The following LHPP variants were observed in gnomAD, a reference collection of about 807,000 sequenced individuals.
LHPP encodes the protein hLHPP.
In LHPP, 24 loss-of-function variants were observed where a neutral mutation model predicts 30.3. The observed-to-expected ratio is 0.79, with a 90% CI of 0.57 to 1.11. LHPP has a LOEUF of 1.11. Ranked by LOEUF, LHPP falls within the 50% of genes most tolerant of loss-of-function variation. The pLI, the probability that LHPP is intolerant of heterozygous loss-of-function variation, is 0.00. For synonymous variants in LHPP, 150 were observed against 157.1 expected (o/e 0.95, Z 0.34); for missense variants, 356 against 367.2 (o/e 0.97, Z 0.25).
At chr10:124,507,845 T>G (rs1589811106) in intron 5 of LHPP, among the ~76,000 whole-genome samples, 1 of 26,506 alleles carries the variant, frequency 3.8e-5, no homozygotes. Flanking sequence ...GGATTTCAGG[T>G]GGGGGGGTAG....
At chr10:124,537,532 G>A (rs1323422025) in intron 6 of LHPP, among the ~76,000 whole-genome samples, 3 of 152,254 alleles carry the variant, frequency 2.0e-5, no homozygotes, top group Non-Finnish European at 4.4e-5. Context: ...TAGGCCTGCA[G>A]CAGACACCAT....
At chr10:124,503,375 GTATT>G (rs1953969404) in intron 5 of LHPP, among the ~76,000 whole-genome samples, 2 of 152,090 alleles carry the variant, frequency 1.3e-5, no homozygotes, top group Non-Finnish European at 1.5e-5. Flanking sequence ...CTTCATTGGT[GTATT>G]TTATGTGTGG....
intron 6 of LHPP, among the ~76,000 whole-genome samples, chr10:124,550,998 C>T (rs979265426): frequency 1.3e-5 from 2 of 152,194 alleles, no homozygotes; most frequent in South Asian, 2.1e-4. Flanking sequence ...CTAACCTTGC[C>T]GTCCTGGGCC....
chr10:124,613,153 TG>T, intron 6 of LHPP, 110 bp from the exon 7 acceptor site: 1 of 845,562 alleles, frequency 1.2e-6, no homozygotes, highest in Non-Finnish European at 2.0e-6. Flanking sequence ...TGGCAGGACC[TG>T]GAGGTTTCCT....
chr10:124,565,075 T>C (rs1459719918), intron 6 of LHPP, among the ~76,000 whole-genome samples: 2 of 152,134 alleles, frequency 1.3e-5, no homozygotes, highest in Non-Finnish European at 2.9e-5. Context: ...CATGCATCTT[T>C]ATGCATTCTG....
Position 124,536,358 on chromosome 10 carries a change from T to C in LHPP, c.716+19087T>C, listed in dbSNP as rs74160920. ...GGAACCAGGAAAGAGGAAGCGGTAG[T>C]GTTCCCGCATGCAGTCCCAAATAGA... On this transcript the variant is annotated intron_variant, in intron 6 of 6. Coordinates refer to ENST00000368842, the MANE Select transcript of LHPP (RefSeq NM_022126.4). 6.1e-3 allele frequency among the ~76,000 whole-genome samples: 934 copies of C among 152,332 alleles called. 18 individuals are homozygous for C. Among genetic ancestry groups the C allele is most frequent in the African/African-American group, 0.022 (906 of 41,580 alleles).
chr10:124,570,008 C>T (rs1948558487), intron 6 of LHPP, among the ~76,000 whole-genome samples: 1 of 150,942 alleles, frequency 6.6e-6, no homozygotes, highest in African/African-American at 2.4e-5. Context: ...GTGTAGAGCT[C>T]ACCCGGCCAC....
intron 6 of LHPP, among the ~76,000 whole-genome samples, chr10:124,583,261 G>T (rs1948763952): frequency 6.6e-6 from 1 of 152,154 alleles, no homozygotes; most frequent in African/African-American, 2.4e-5. Context: ...TTTCTCCTAA[G>T]AATTATATAT....
At chr10:124,497,117 A>C in intron 4 of LHPP, 93 bp downstream of exon 4, 1 of 1,018,466 alleles carries the variant, frequency 9.8e-7, no homozygotes, top group Non-Finnish European at 1.5e-6. Context: ...TGCTTAATTA[A>C]CGTACAAATG....
At chr10:124,611,670 A>G (rs574121211) in intron 6 of LHPP, among the ~76,000 whole-genome samples, 1 of 152,170 alleles carries the variant, frequency 6.6e-6, no homozygotes, top group East Asian at 1.9e-4. Flanking sequence ...CCTGAGGGCC[A>G]GGAGGTAGCC....
At chr10:124,611,957 G>A (rs1158037495) in intron 6 of LHPP, among the ~76,000 whole-genome samples, 7 of 152,206 alleles carry the variant, frequency 4.6e-5, no homozygotes, top group Admixed American at 4.6e-4. Context: ...CTCGGTAGTG[G>A]TAGGTTTGCA....
Position 124,602,016 on chromosome 10 carries a change from G to A in LHPP, c.717-11248G>A, listed in dbSNP as rs1010405053. Among the ~76,000 whole-genome samples, 6 of 152,192 alleles carry A rather than the reference G, an allele frequency of 3.9e-5. No individual in the cohort carries two copies. In the East Asian group the frequency reaches 5.8e-4, roughly 15 times the overall value. On this transcript the variant is annotated intron_variant, in intron 6 of 6. Coordinates refer to ENST00000368842, the MANE Select transcript of LHPP (RefSeq NM_022126.4). Reference sequence around the variant, plus strand: ...CCGTCCTCCGCTGCACTGCCTCTTCGTAGTGCCCCAGCTCCATCCGGGGGT... The same window carrying A: ...CCGTCCTCCGCTGCACTGCCTCTTCATAGTGCCCCAGCTCCATCCGGGGGT...
intron 6 of LHPP, among the ~76,000 whole-genome samples, chr10:124,539,710 T>C (rs1379706523): frequency 7.1e-6 from 1 of 140,692 alleles, no homozygotes; most frequent in Non-Finnish European, 1.5e-5. Context: ...CACTCTAGCC[T>C]GGGCGACAGA....
At chr10:124,578,257 C>A (rs953850042) in intron 6 of LHPP, among the ~76,000 whole-genome samples, 2 of 152,242 alleles carry the variant, frequency 1.3e-5, no homozygotes, top group African/African-American at 4.8e-5. Flanking sequence ...AGACCAAGTC[C>A]GTGCAGGGGC....
At chr10:124,583,891 T>A (rs769745462) in intron 6 of LHPP, among the ~76,000 whole-genome samples, 3 of 152,216 alleles carry the variant, frequency 2.0e-5, no homozygotes, top group Non-Finnish European at 4.4e-5. Flanking sequence ...TTCTATTGCA[T>A]TGATCACTGA....
intron 6 of LHPP, among the ~76,000 whole-genome samples, chr10:124,563,308 T>TA (rs34347060): frequency 6.9e-6 from 1 of 145,672 alleles, no homozygotes; most frequent in South Asian, 2.1e-4. Context: ...TCTCTCTCTC[T>TA]TTTTCTTTTT....
intron 6 of LHPP, among the ~76,000 whole-genome samples, chr10:124,533,281 G>A (rs1323424083): frequency 6.6e-6 from 1 of 152,200 alleles, no homozygotes; most frequent in Non-Finnish European, 1.5e-5. Context: ...ACTCGCCCAG[G>A]GACCATGTGC....
intron 6 of LHPP, among the ~76,000 whole-genome samples, chr10:124,519,226 G>A (rs759979994): frequency 1.3e-5 from 2 of 152,322 alleles, no homozygotes; most frequent in South Asian, 4.1e-4. Context: ...GGGATTATAC[G>A]CGTGAGCCAC....
At chr10:124,557,018 G>A (rs1247417480) in intron 6 of LHPP, among the ~76,000 whole-genome samples, 3 of 152,114 alleles carry the variant, frequency 2.0e-5, no homozygotes, top group South Asian at 2.1e-4. Flanking sequence ...TCAGGCGCAC[G>A]AGACAGGCGG....
Sources: gnomAD v4.1 joint callset for allele counts (sites outside exome capture counted in the v4.1 genomes callset) on GRCh38, gnomAD v4.1.1 for gene constraint, MANE v1.5 for transcripts, NCBI Gene and HGNC (gene_info 2026-07-23, HGNC 2026-07-21) for gene names.